Variants in COL4A6 observed in about 807,000 individuals in gnomAD.
COL4A6 encodes collagen type IV alpha 6 chain, also known as collagen alpha-6(IV) chain.
Under a neutral mutation model 126.7 loss-of-function variants are expected in COL4A6, and 59 were observed. The ratio of observed to expected loss-of-function variants is 0.47; its 90% confidence interval spans 0.38 to 0.58. The LOEUF (loss-of-function observed/expected upper bound fraction) is 0.58. Ranked by LOEUF, COL4A6 falls within the 20% of genes least tolerant of loss-of-function variation. The pLI, the probability that COL4A6 is intolerant of heterozygous loss-of-function variation, is 0.00. For synonymous variants in COL4A6, 547 were observed against 496.6 expected, an observed-to-expected ratio of 1.10 and a Z score of -1.35; for missense variants, 1,285 against 1,337.3, an observed-to-expected ratio of 0.96 and a Z score of 0.61.
chrX:108,315,791 C>T (rs1415153178), intron 2 of COL4A6, among the ~76,000 whole-genome samples: 3 of 111,834 alleles, frequency 2.7e-5, no homozygotes, highest in Non-Finnish European at 3.8e-5. Flanking sequence ...CTTCCCTTTG[C>T]TGATGGAGTT....
chrX:108,386,260 G>A lies in COL4A6; in HGVS notation c.63+51682C>T, dbSNP rs752620781. 5.4e-5 allele frequency among the ~76,000 whole-genome samples: 6 copies of A among 111,782 alleles called. No individual in the cohort carries two copies. In the South Asian group the frequency reaches 2.2e-3, roughly 42 times the overall value. On this transcript the variant is annotated intron_variant, in intron 2 of 44. Transcript: ENST00000334504. ...AGCAATGGGATTCCTGGGTCAAATG[G>A]TATTTCTAGTTCTAGATCCCTGAGG...
intron 2 of COL4A6, among the ~76,000 whole-genome samples, chrX:108,359,807 T>C (rs1219955100): frequency 8.9e-6 from 1 of 112,289 alleles, no homozygotes; most frequent in African/African-American, 3.2e-5. Context: ...TGCCATAATT[T>C]GCCTTTAGGA....
chrX:108,422,823 A>T (rs935111693), intron 2 of COL4A6, among the ~76,000 whole-genome samples: 1 of 111,645 alleles, frequency 9.0e-6, no homozygotes, highest in African/African-American at 3.3e-5. Context: ...CTGGACATCA[A>T]AACAGGGAAA....
At chrX:108,386,541 A>G (rs1370604028) in intron 2 of COL4A6, among the ~76,000 whole-genome samples, 3 of 112,030 alleles carry the variant, frequency 2.7e-5, no homozygotes, top group African/African-American at 9.7e-5. Context: ...GAATGTTCAT[A>G]TCGTTCGCCC....
At chrX:108,290,059 G>A (rs1022341673) in intron 3 of COL4A6, among the ~76,000 whole-genome samples, 8 of 112,058 alleles carry the variant, frequency 7.1e-5, no homozygotes, top group African/African-American at 9.7e-5. Flanking sequence ...CCCTGTAAGC[G>A]ATATTCTGCA....
intron 2 of COL4A6, among the ~76,000 whole-genome samples, chrX:108,403,824 A>T (rs1302322788): frequency 9.0e-6 from 1 of 111,676 alleles, no homozygotes; most frequent in Non-Finnish European, 1.9e-5. Context: ...GATCTTTGAT[A>T]TTTGTGAATC....
intron 5 of COL4A6, among the ~76,000 whole-genome samples, chrX:108,214,976 CT>C (rs1443925718): frequency 9.0e-6 from 1 of 111,299 alleles, no homozygotes; most frequent in Non-Finnish European, 1.9e-5. Context: ...GATAATATAC[CT>C]TTTTTAATTC....
Position 108,159,623 on chromosome X carries a change from G to C in COL4A6, c.4651C>G (p.Pro1551Ala), listed in dbSNP as rs201417622. 8.3e-7 allele frequency: 1 copy of C among 1,210,957 alleles called. No individual in the cohort carries two copies. Among genetic ancestry groups the C allele is most frequent in the African/African-American group, 1.7e-5 (1 of 57,445 alleles). Residue 1551 changes from proline (P) to alanine (A), a missense_variant, in exon 44 of 45, where the codon CCC becomes GCC. Transcript: ENST00000334504. ...TGGGTCTGGCTGACGGGCATCATGGGGATAGGGGCGGTAGTGGAGAGCCAG... is the reference window on the plus strand; with the variant it reads ...TGGGTCTGGCTGACGGGCATCATGGCGATAGGGGCGGTAGTGGAGAGCCAG... ...SYWLSTTAPI[P>A]MMPVSQTQIP...
At position 108,392,044 on chromosome X, in the gene COL4A6, C is replaced by T. The variant is rs138587887; in HGVS notation, c.63+45898G>A. On this transcript the variant is annotated intron_variant, in intron 2 of 44. Coordinates refer to ENST00000334504, the MANE Select transcript of COL4A6 (RefSeq NM_033641.4). ...GGAAGGAAGTCTTTTCAACAAATGG[C>T]GTGGAACAACTGGATATCCACATGC... 7.1e-3 allele frequency among the ~76,000 whole-genome samples: 791 copies of T among 112,194 alleles called. 2 individuals are homozygous for T. The highest frequency in any genetic ancestry group is 0.037 in the East Asian group (131 of 3,580).
At chrX:108,287,834 T>A (rs779929813) in intron 3 of COL4A6, among the ~76,000 whole-genome samples, 1 of 112,101 alleles carries the variant, frequency 8.9e-6, no homozygotes, top group Non-Finnish European at 1.9e-5. Context: ...TCTCCTCATC[T>A]ACTGGGCTTT....
At chrX:108,422,144 G>T (rs1569462973) in intron 2 of COL4A6, among the ~76,000 whole-genome samples, 1 of 111,623 alleles carries the variant, frequency 9.0e-6, no homozygotes, top group Non-Finnish European at 1.9e-5. Context: ...GGAAGGCTGA[G>T]ATGGGAGGAT....
chrX:108,224,375 AC>A (rs1466772747), intron 3 of COL4A6, among the ~76,000 whole-genome samples: 1 of 111,586 alleles, frequency 9.0e-6, no homozygotes. Context: ...TTGAAAAGGC[AC>A]CCCCTAGAGG....
chrX:108,175,784 A>C lies in COL4A6; in HGVS notation c.2700T>G (p.Ser900=). The part of the protein sequence containing the change: ...ALSGPKGEKG[S]VGFVGFPGIP... ...TTCCTGGAAAACCTACGAATCCAAC[A>C]GACCCCTTCTCTCCTGTTGAAAAAC... Residue 900 remains serine, a synonymous_variant, in exon 29 of 45, where the codon TCT becomes TCG. Coordinates refer to ENST00000334504, the MANE Select transcript of COL4A6 (RefSeq NM_033641.4). 1 of 1,193,364 alleles carries C rather than the reference A, an allele frequency of 8.4e-7. No homozygotes were observed. Among genetic ancestry groups the C allele is most frequent in the African/African-American group, 1.8e-5 (1 of 56,275 alleles).
At chrX:108,343,034 G>A (rs985851327) in intron 2 of COL4A6, among the ~76,000 whole-genome samples, 2 of 106,509 alleles carry the variant, frequency 1.9e-5, no homozygotes, top group Non-Finnish European at 3.9e-5. Flanking sequence ...TTTTTAATGT[G>A]TGTAGATATG....
chrX:108,385,256 C>T (rs374445697), intron 2 of COL4A6, among the ~76,000 whole-genome samples: 1 of 105,371 alleles, frequency 9.5e-6, no homozygotes, highest in East Asian at 3.2e-4. Context: ...ATTTACAGTA[C>T]TATCAAAAAG....
At chrX:108,256,144 G>T (rs2036998952) in intron 3 of COL4A6, among the ~76,000 whole-genome samples, 1 of 112,150 alleles carries the variant, frequency 8.9e-6, no homozygotes, top group African/African-American at 3.2e-5. Flanking sequence ...TAATTGTATT[G>T]TATGTATTTT....
At chrX:108,163,980 A>T (rs146253914) in intron 40 of COL4A6, among the ~76,000 whole-genome samples, 1,834 of 111,939 alleles carry the variant, frequency 0.016, 10 homozygotes, top group Non-Finnish European at 0.026. Flanking sequence ...GGCCATGAGG[A>T]TGAAGAGGGA....
intron 3 of COL4A6, among the ~76,000 whole-genome samples, chrX:108,297,970 C>A (rs1361337283): frequency 4.7e-5 from 5 of 105,403 alleles, no homozygotes; most frequent in Non-Finnish European, 3.9e-5. Flanking sequence ...AGTACACACA[C>A]CACACACACA....
At chrX:108,380,035 G>A (rs187262561) in intron 2 of COL4A6, among the ~76,000 whole-genome samples, 1 of 111,718 alleles carries the variant, frequency 9.0e-6, no homozygotes, top group East Asian at 2.8e-4. Flanking sequence ...AATCCAACAT[G>A]CTAAAGAGTC....
Sources: gnomAD v4.1 joint callset for allele counts (sites outside exome capture counted in the v4.1 genomes callset) on GRCh38, gnomAD v4.1.1 for gene constraint, MANE v1.5 for transcripts, NCBI Gene and HGNC (gene_info 2026-07-23, HGNC 2026-07-21) for gene names.